UST: variants seen among roughly 807,000 people sequenced by gnomAD.
UST encodes uronyl 2-sulfotransferase.
Under a neutral mutation model 45.6 loss-of-function variants are expected in UST, and 21 were observed. The observed-to-expected ratio is 0.46, with a 90% CI of 0.33 to 0.66. The LOEUF is 0.66. Ranked by LOEUF, UST falls within the 30% of genes least tolerant of loss-of-function variation. The pLI is 0.02. For missense variants in UST, 463 were observed against 512.4 expected (o/e 0.90, Z 0.93); for synonymous variants, 215 against 200.6 (o/e 1.07, Z -0.61).
chr6:148,758,710 CCTCT>C (rs1444343597), intron 1 of UST, among the ~76,000 whole-genome samples: 5 of 152,232 alleles, frequency 3.3e-5, no homozygotes, highest in Non-Finnish European at 5.9e-5. Flanking sequence ...CCAAGCTCAG[CCTCT>C]CTGTGTTGCC....
chr6:148,947,309 C>T (rs942183113), intron 3 of UST, among the ~76,000 whole-genome samples: 2 of 152,148 alleles, frequency 1.3e-5, no homozygotes, highest in East Asian at 1.9e-4. Context: ...ACTAGGCATA[C>T]ATGGGTTAAT....
At chr6:148,763,655 A>G (rs559407802) in intron 1 of UST, among the ~76,000 whole-genome samples, 1 of 152,174 alleles carries the variant, frequency 6.6e-6, no homozygotes, top group Non-Finnish European at 1.5e-5. Context: ...TCTTTAATTC[A>G]TCTTGAGTTA....
chr6:148,925,389 C>T (rs1026900), intron 2 of UST, among the ~76,000 whole-genome samples: 51,020 of 151,782 alleles, frequency 0.34, 8,699 homozygotes, highest in South Asian at 0.45. Flanking sequence ...AAGAAAGGGA[C>T]GAATGCAGAT....
At chr6:148,966,210 C>T (rs1053992109) in intron 5 of UST, among the ~76,000 whole-genome samples, 20 of 150,010 alleles carry the variant, frequency 1.3e-4, no homozygotes, top group Non-Finnish European at 2.7e-4. Flanking sequence ...GGTGCCAGAC[C>T]GAGACTCCAT....
chr6:148,871,933 G>A (rs961792442), intron 1 of UST, among the ~76,000 whole-genome samples: 5 of 152,312 alleles, frequency 3.3e-5, no homozygotes, highest in Non-Finnish European at 7.3e-5. Flanking sequence ...TTAACCAGCC[G>A]TGTGTCTTAG....
In UST at chr6:148,895,892, T is replaced by G. The variant is rs148889155; in HGVS notation, c.291+8863T>G. Among the ~76,000 whole-genome samples, 63 of 152,352 alleles carry G rather than the reference T, an allele frequency of 4.1e-4. No homozygotes were observed. In the East Asian group the frequency reaches 0.012, roughly 28 times the overall value. ...ACTAATACACAAAACTACCACAAGT[T>G]CCTAAGAAAGATTACATTTTTTTCC... On this transcript the variant is annotated intron_variant, in intron 2 of 7. Coordinates refer to ENST00000367463, the MANE Select transcript of UST (RefSeq NM_005715.3).
At chr6:149,062,608 A>C (rs1475472754) in intron 7 of UST, among the ~76,000 whole-genome samples, 1 of 152,198 alleles carries the variant, frequency 6.6e-6, no homozygotes, top group Non-Finnish European at 1.5e-5. Flanking sequence ...CTTCTTTTCA[A>C]TGGATTCCCT....
At chr6:148,799,878 T>G (rs964840379) in intron 1 of UST, among the ~76,000 whole-genome samples, 1 of 152,160 alleles carries the variant, frequency 6.6e-6, no homozygotes, top group African/African-American at 2.4e-5. Context: ...TATGGGGAAG[T>G]AGAATTAGAA....
chr6:148,847,492 A>G (rs1203006631), intron 1 of UST, among the ~76,000 whole-genome samples: 3 of 152,120 alleles, frequency 2.0e-5, no homozygotes, highest in East Asian at 3.9e-4. Context: ...CTGACATAAG[A>G]TGTTTGAAAC....
intron 7 of UST, among the ~76,000 whole-genome samples, chr6:149,049,931 T>TCACA (rs59151398): frequency 0.17 from 23,273 of 134,180 alleles, 2,374 homozygotes; most frequent in South Asian, 0.3. Flanking sequence ...TCTCTCTCTC[T>TCACA]CACACACACA....
At chr6:148,989,515 T>C (rs1381567178) in intron 5 of UST, among the ~76,000 whole-genome samples, 1 of 152,222 alleles carries the variant, frequency 6.6e-6, no homozygotes, top group East Asian at 1.9e-4. Context: ...GGGATTTGCC[T>C]TTGTCCTTGT....
intron 1 of UST, among the ~76,000 whole-genome samples, chr6:148,794,121 T>C (rs993952919): frequency 6.6e-6 from 1 of 152,220 alleles, no homozygotes; most frequent in Non-Finnish European, 1.5e-5. Context: ...TCACAAGATT[T>C]CTCCAAGATA....
intron 4 of UST, among the ~76,000 whole-genome samples, chr6:148,962,152 A>G (rs915806699): frequency 2.0e-5 from 3 of 152,262 alleles, no homozygotes; most frequent in Admixed American, 6.5e-5. Context: ...ATACTTGACA[A>G]TACATTCTTA....
Position 149,074,011 on chromosome 6 carries a change from C to T in UST, c.1116C>T (p.Pro372=), listed in dbSNP as rs371227367. The part of the protein sequence containing the change: ...FGLKSHVSKP[P]LRPHFFIPTP... ...TTAAGTCTCACGTCAGCAAGCCCCC[C>T]CTGAGGCCACACTTCTTTATCCCAA... Residue 372 remains proline, a synonymous_variant, in exon 8 of 8, where the codon CCC becomes CCT. Transcript: ENST00000367463. 8 of 1,614,068 alleles carry T rather than the reference C, an allele frequency of 5.0e-6. No homozygotes were observed. Among genetic ancestry groups the T allele is most frequent in the African/African-American group, 4.0e-5 (3 of 74,938 alleles).
chr6:148,928,521 A>G (rs1167048708), intron 2 of UST, among the ~76,000 whole-genome samples: 5 of 152,246 alleles, frequency 3.3e-5, no homozygotes, highest in Non-Finnish European at 7.3e-5. Flanking sequence ...ACAGTTCCCT[A>G]TAGGAAATGG....
At position 148,849,209 on chromosome 6, in the gene UST, C is replaced by T. The variant is rs114554553; in HGVS notation, c.248-37777C>T. On this transcript the variant is annotated intron_variant, in intron 1 of 7. Transcript: ENST00000367463. ...AGGACACACAGGAAGCAATGCTTCA[C>T]CAAGTCATCCAGGCATCCCTCATTC... is the stretch of plus-strand genomic sequence containing the variant. 2.7e-3 allele frequency among the ~76,000 whole-genome samples: 417 copies of T among 152,294 alleles called. 2 individuals are homozygous for T. The highest frequency in any genetic ancestry group is 9.6e-3 in the African/African-American group (400 of 41,554).
intron 1 of UST, among the ~76,000 whole-genome samples, chr6:148,828,770 A>T (rs1777621986): frequency 6.6e-6 from 1 of 152,232 alleles, no homozygotes; most frequent in Non-Finnish European, 1.5e-5. Flanking sequence ...ATCATTACTG[A>T]CCACCTACTA....
chr6:148,868,640 A>G (rs1013698691), intron 1 of UST, among the ~76,000 whole-genome samples: 1 of 152,190 alleles, frequency 6.6e-6, no homozygotes, highest in Non-Finnish European at 1.5e-5. Context: ...GGTAGACTTT[A>G]TTTTTCAGAA....
At chr6:148,812,169 A>G (rs964897568) in intron 1 of UST, among the ~76,000 whole-genome samples, 2 of 152,202 alleles carry the variant, frequency 1.3e-5, no homozygotes, top group Admixed American at 1.3e-4. Flanking sequence ...GAAAATGCAT[A>G]CATGCATACT....
Sources: allele counts gnomAD v4.1 joint callset (sites outside exome capture counted in the v4.1 genomes callset), GRCh38; gene constraint gnomAD v4.1.1; transcripts MANE v1.5; gene names NCBI Gene and HGNC (gene_info 2026-07-23, HGNC 2026-07-21).